The following SCN9A variants were observed in gnomAD, a reference collection of about 807,000 sequenced individuals.
SCN9A encodes the protein sodium channel protein type 9 subunit alpha.
A neutral mutation model predicts 187.0 loss-of-function variants in SCN9A; 131 were observed. The ratio of observed to expected loss-of-function variants is 0.70; its 90% CI spans 0.61 to 0.81. The LOEUF is 0.81. Ranked by LOEUF, SCN9A falls within the 30% of genes least tolerant of loss-of-function variation. SCN9A has a pLI of 0.00. For synonymous variants in SCN9A, 809 were observed against 808.6 expected (o/e 1.00, Z -0.01); for missense variants, 2,252 against 2,396.6 (o/e 0.94, Z 1.26).
chr2:166,354,675 T>A (rs566338405), intron 1 of SCN9A, among the ~76,000 whole-genome samples: 1 of 152,196 alleles, frequency 6.6e-6, no homozygotes, highest in Admixed American at 6.5e-5. Flanking sequence ...CAATCCTAGA[T>A]GGTTGATTAA....
intron 7 of SCN9A, among the ~76,000 whole-genome samples, chr2:166,297,051 G>A (rs1404953758): frequency 6.6e-6 from 1 of 151,466 alleles, no homozygotes; most frequent in African/African-American, 2.4e-5. Flanking sequence ...CAAAAAAATA[G>A]CTGGGCGTGG....
intron 21 of SCN9A, among the ~76,000 whole-genome samples, chr2:166,232,899 CT>C (rs1300592725): frequency 6.9e-6 from 1 of 145,644 alleles, no homozygotes; most frequent in African/African-American, 2.5e-5. Context: ...TAGTATTATA[CT>C]TTTTTAGTAA....
chr2:166,340,540 C>CTCTTTCTTTCTTTCTTTCTTT (rs1559050808), intron 1 of SCN9A, among the ~76,000 whole-genome samples: 2 of 111,262 alleles, frequency 1.8e-5, no homozygotes, highest in African/African-American at 7.2e-5. Context: ...TCTTTTCTTT[C>CTCTTTCTTTCTTTCTTTCTTT]CCTTTCTTTC....
Position 166,226,717 on chromosome 2 carries a change from C to T in SCN9A, c.4261-13G>A, listed in dbSNP as rs745685331. 2 of 1,538,336 alleles carry T rather than the reference C, an allele frequency of 1.3e-6. No homozygotes were observed. The highest frequency in any genetic ancestry group is 2.6e-5 in the South Asian group (2 of 76,520). On this transcript the variant is annotated splice_polypyrimidine_tract_variant and intron_variant, in intron 23 of 26. Coordinates refer to ENST00000642356, the MANE Select transcript of SCN9A (RefSeq NM_001365536.1). ...GCTGCTTGTCTACCTATAAAATTTA[C>T]AAAAGTTAGCATTATATGGACAGTA...
At chr2:166,244,022 C>T (rs1049309146) in intron 18 of SCN9A, among the ~76,000 whole-genome samples, 2 of 151,840 alleles carry the variant, frequency 1.3e-5, no homozygotes, top group South Asian at 2.1e-4. Context: ...GATTGGATAT[C>T]AAATGTAAGA....
chr2:166,297,200 A>G (rs1698350071), intron 7 of SCN9A, among the ~76,000 whole-genome samples: 1 of 82,730 alleles, frequency 1.2e-5, no homozygotes, highest in Non-Finnish European at 2.5e-5. Flanking sequence ...CCATCTCAAA[A>G]AAAAAAAAAA....
At chr2:166,298,905 A>G (rs80344245) in intron 7 of SCN9A, 4,383 of 152,308 alleles carry the variant, frequency 0.029, 232 homozygotes, top group African/African-American at 0.1. Flanking sequence ...CCCTGATATG[A>G]CCATATATAT....
intron 24 of SCN9A, among the ~76,000 whole-genome samples, chr2:166,222,945 C>CAAA (rs1309168684): frequency 4.4e-5 from 2 of 44,984 alleles, no homozygotes; most frequent in Non-Finnish European, 7.9e-5. Flanking sequence ...AAAAAAACAA[C>CAAA]AAAAAAAAAA....
chr2:166,352,112 G>GA (rs1390762139), intron 1 of SCN9A, among the ~76,000 whole-genome samples: 3 of 152,030 alleles, frequency 2.0e-5, no homozygotes, highest in African/African-American at 4.8e-5. Context: ...AAAATGGGGA[G>GA]AAAAAACTAT....
intron 17 of SCN9A, among the ~76,000 whole-genome samples, chr2:166,266,840 C>CTTGAT (rs140085196): frequency 0.013 from 1,904 of 151,320 alleles, 42 homozygotes; most frequent in African/African-American, 0.043. Context: ...GGATTGCTTT[C>CTTGAT]TTATTTTCAG....
chr2:166,226,161 T>TA (rs1694833357), intron 24 of SCN9A, among the ~76,000 whole-genome samples: 1 of 152,166 alleles, frequency 6.6e-6, no homozygotes, highest in South Asian at 2.1e-4. Context: ...AACCATATCT[T>TA]ACGTTGGTCT....
chr2:166,229,511 TAATTA>T (rs1325951409), intron 21 of SCN9A, among the ~76,000 whole-genome samples: 1 of 152,122 alleles, frequency 6.6e-6, no homozygotes, highest in Non-Finnish European at 1.5e-5. Context: ...TAATTTAATT[TAATTA>T]TTTTCTTTTC....
intron 12 of SCN9A, among the ~76,000 whole-genome samples, chr2:166,282,653 T>C (rs952608060): frequency 6.6e-6 from 1 of 152,104 alleles, no homozygotes; most frequent in Non-Finnish European, 1.5e-5. Flanking sequence ...GTGTGGTATG[T>C]GGTATATATT....
At chr2:166,258,564 A>G (rs1387310128) in intron 17 of SCN9A, among the ~76,000 whole-genome samples, 1 of 151,630 alleles carries the variant, frequency 6.6e-6, no homozygotes, top group Admixed American at 6.6e-5. Flanking sequence ...ATAAAGTCCC[A>G]TAACTAACAG....
chr2:166,287,239 GA>G (rs1219009696), intron 10 of SCN9A, among the ~76,000 whole-genome samples: 1 of 151,688 alleles, frequency 6.6e-6, no homozygotes, highest in African/African-American at 2.4e-5. Context: ...ATGAAAAACA[GA>G]AAAAAAGTCA....
At chr2:166,298,228 T>A (rs1026981850) in intron 7 of SCN9A, among the ~76,000 whole-genome samples, 1 of 152,172 alleles carries the variant, frequency 6.6e-6, no homozygotes, top group South Asian at 2.1e-4. Flanking sequence ...TGAAGGCCAA[T>A]ATTGCGGTTT....
rs1693226428 is a variant in SCN9A, at chr2:166,195,726, G to A, written c.*2946C>T. ...GGTAACTATCAAAAAGCTAAAATTA[G>A]GTTCTCTAATTTTCATCCGAAAGAT... On this transcript the variant is annotated 3_prime_UTR_variant, in exon 27 of 27. Transcript: ENST00000642356. 1 of 152,094 alleles carries A rather than the reference G, an allele frequency of 6.6e-6. No individual in the cohort carries two copies. The highest frequency in any genetic ancestry group is 2.4e-5 in the African/African-American group (1 of 41,414). 9.4% of individuals were successfully genotyped at this position (152,094 alleles called of 1,614,324 possible).
At chr2:166,233,172 C>T (rs888448994) in intron 21 of SCN9A, among the ~76,000 whole-genome samples, 168 bp downstream of exon 21, 1 of 117,108 alleles carries the variant, frequency 8.5e-6, no homozygotes, top group Non-Finnish European at 1.7e-5. Context: ...TATACATATG[C>T]ATATATACAT....
In SCN9A at chr2:166,368,871, C is replaced by T. The variant is rs368107300; in HGVS notation, c.-51+6826G>A. 5.2e-4 allele frequency among the ~76,000 whole-genome samples: 79 copies of T among 151,216 alleles called. 2 individuals carry two copies. In the South Asian group the frequency reaches 0.014, roughly 26 times the overall value. On this transcript the variant is annotated intron_variant, in intron 1 of 26. Coordinates refer to ENST00000642356, the MANE Select transcript of SCN9A (RefSeq NM_001365536.1). Reference sequence around the variant, plus strand: ...GCGAGGTGGCTCATGCCTGTAATCCCGGCTACTCGGGAGGCTGAGGCAGGA... The same window carrying T: ...GCGAGGTGGCTCATGCCTGTAATCCTGGCTACTCGGGAGGCTGAGGCAGGA...
Sources: allele counts gnomAD v4.1 joint callset (sites outside exome capture counted in the v4.1 genomes callset), GRCh38; gene constraint gnomAD v4.1.1; transcripts MANE v1.5; gene names NCBI Gene and HGNC (gene_info 2026-07-23, HGNC 2026-07-21).